THAP5: variants seen among roughly 807,000 people sequenced by gnomAD.
THAP5 encodes THAP domain-containing protein 5.
Under a neutral mutation model 34.0 loss-of-function variants are expected in THAP5, and 26 were observed. That is an observed-to-expected ratio of 0.77 (90% confidence interval 0.56 to 1.06). THAP5 has a LOEUF of 1.06. Ranked by LOEUF, THAP5 falls within the 50% of genes least tolerant of loss-of-function variation. The pLI is 0.00. For synonymous variants in THAP5, 125 were observed against 153.0 expected, an observed-to-expected ratio of 0.82 and a Z score of 1.35; for missense variants, 394 against 452.8, an observed-to-expected ratio of 0.87 and a Z score of 1.18.
downstream of THAP5, among the ~76,000 whole-genome samples, chr7:108,561,597 TA>T (rs1274773635): frequency 6.6e-6 from 1 of 152,068 alleles, no homozygotes; most frequent in Non-Finnish European, 1.5e-5. Flanking sequence ...TTTGATTTTC[TA>T]AATGAAGCAT....
downstream of THAP5, among the ~76,000 whole-genome samples, chr7:108,558,377 G>GTGTGTGTGTGTATATATATATA (rs1401164750): frequency 1.6e-5 from 1 of 63,038 alleles, no homozygotes; most frequent in Non-Finnish European, 2.9e-5. Context: ...ATGTGTGTGT[G>GTGTGTGTGTGTATATATATATA]TATGTATATA....
downstream of THAP5, among the ~76,000 whole-genome samples, chr7:108,557,364 G>A (rs1252590673): frequency 1.3e-5 from 2 of 152,180 alleles, no homozygotes; most frequent in African/African-American, 4.8e-5. Context: ...CCCTTTAAAT[G>A]TAAGTTCTAG....
intron 1 of THAP5, chr7:108,569,151 C>T (rs1790554220): frequency 8.9e-7 from 1 of 1,128,318 alleles, no homozygotes; most frequent in Non-Finnish European, 1.1e-6. Flanking sequence ...TCGCAGGTTT[C>T]ACGTATCTTA....
chr7:108,565,197 G>A (rs2154518077), intron 2 of THAP5, 92 bp from the exon 3 acceptor site: 4 of 997,388 alleles, frequency 4.0e-6, no homozygotes, highest in East Asian at 2.7e-5. Context: ...GTAGTACACT[G>A]GCCAAGCAAA....
chr7:108,549,129 A>AC, the THAP5 span, among the ~76,000 whole-genome samples: 19 of 90,818 alleles, frequency 2.1e-4, no homozygotes, highest in Non-Finnish European at 3.8e-4. Flanking sequence ...CACACACACA[A>AC]GTACTTTTTT....
Position 108,564,745 on chromosome 7 carries a change from A to T in THAP5, c.634T>A (p.Ser212Thr). The T allele has an allele frequency of 6.2e-7, 1 of 1,613,508 alleles. No homozygotes were observed. Among genetic ancestry groups the T allele is most frequent in the East Asian group, 2.2e-5 (1 of 44,818 alleles). ...TCCAAAGATTGATGAATACTTTCTG[A>T]ATTTGAAGTTGTCAAAGTAATAGTT... ...STTITLTTSN[S>T]ESIHQSLETQ... The change falls in exon 3 of 3, where the codon TCA (serine) becomes ACA (threonine). Residue 212 changes from serine (S) to threonine (T), a missense_variant. Physicochemically the swap from Ser to Thr is moderately conservative, Grantham distance 58. Coordinates refer to ENST00000415914, the MANE Select transcript of THAP5 (RefSeq NM_001130475.3).
At position 108,569,173 on chromosome 7, in the gene THAP5, ATGT is replaced by A. The variant is rs755467534; in HGVS notation, c.80+314_80+316del. The A allele has an allele frequency of 1.2e-5, 15 of 1,238,666 alleles. No individual in the cohort carries two copies. In the African/African-American group the frequency reaches 1.8e-4, roughly 15 times the overall value. 76.7% of individuals were successfully genotyped at this position (1,238,666 alleles called of 1,614,324 possible). ...TTTCACGTATCTTAAATGGTGGTTA[ATGT>A]TGTTCAATGAAATGAGATCACGTGA... On this transcript the variant is annotated intron_variant, in intron 1 of 2. Coordinates refer to ENST00000415914, the MANE Select transcript of THAP5 (RefSeq NM_001130475.3).
chr7:108,551,432 T>A (rs2154517809), downstream of THAP5, among the ~76,000 whole-genome samples: 1 of 152,362 alleles, frequency 6.6e-6, no homozygotes, highest in East Asian at 1.9e-4. Context: ...CTCACTCTTC[T>A]TCCATATAAG....
At chr7:108,548,129 G>C in the THAP5 span, among the ~76,000 whole-genome samples, 13 of 152,272 alleles carry the variant, frequency 8.5e-5, no homozygotes, top group Admixed American at 8.5e-4. Flanking sequence ...TACAATTCAA[G>C]TTAATAATTT....
In THAP5 at chr7:108,562,234, TTAACA is replaced by T. The variant is rs1201024511; in HGVS notation, c.*1952_*1956del. On this transcript the variant is annotated 3_prime_UTR_variant, in exon 3 of 3. Coordinates refer to ENST00000415914, the MANE Select transcript of THAP5 (RefSeq NM_001130475.3). ...TTACTACAATGTACACTGTTGAAAC[TTAACA>T]TATCATTACTTTATTGTGACTCAAG... 13 of 152,250 alleles carry T rather than the reference TTAACA, an allele frequency of 8.5e-5. No homozygotes were observed. Among genetic ancestry groups the T allele is most frequent in the East Asian group, 3.9e-4 (2 of 5,180 alleles). 9.4% of individuals were successfully genotyped at this position (152,250 alleles called of 1,614,324 possible).
intron 1 of THAP5, among the ~76,000 whole-genome samples, chr7:108,555,455 A>G (rs40930): frequency 0.56 from 85,679 of 151,970 alleles, 24,324 homozygotes; most frequent in African/African-American, 0.62. Context: ...GGCGTGAGCC[A>G]TTGTGCCCGG....
At chr7:108,542,059 A>G in the THAP5 span, among the ~76,000 whole-genome samples, 7 of 152,210 alleles carry the variant, frequency 4.6e-5, no homozygotes, top group African/African-American at 1.7e-4. Flanking sequence ...CAGGAAAAAA[A>G]ACCCTTAAAT....
At chr7:108,545,081 T>C in the THAP5 span, among the ~76,000 whole-genome samples, 1 of 152,220 alleles carries the variant, frequency 6.6e-6, no homozygotes. Context: ...TTGTCTTATT[T>C]AGAAAGATAT....
chr7:108,554,846 C>T (rs148014505), exon 2 of THAP5: 58 of 152,242 alleles, frequency 3.8e-4, no homozygotes, highest in African/African-American at 1.3e-3. Flanking sequence ...CTTCCTTTTA[C>T]GTTTTAGCTG....
At chr7:108,569,141 T>G in intron 1 of THAP5, 1 of 1,104,136 alleles carries the variant, frequency 9.1e-7, no homozygotes, top group Non-Finnish European at 1.1e-6. Context: ...CCTTTCCACT[T>G]CGCAGGTTTC....
the THAP5 span, among the ~76,000 whole-genome samples, chr7:108,542,832 C>G: frequency 6.6e-6 from 1 of 152,110 alleles, no homozygotes; most frequent in Non-Finnish European, 1.5e-5. Flanking sequence ...ATGGGCTGGT[C>G]TGGAGAATTC....
the THAP5 span, among the ~76,000 whole-genome samples, chr7:108,548,755 T>C: frequency 3.3e-5 from 5 of 152,054 alleles, no homozygotes; most frequent in Admixed American, 1.3e-4. Context: ...TTATTCACTA[T>C]CATGAGAACA....
At position 108,564,093 on chromosome 7, in the gene THAP5, A is replaced by C; in HGVS notation, c.*98T>G. On this transcript the variant is annotated 3_prime_UTR_variant, in exon 3 of 3. Transcript: ENST00000415914. Reference sequence around the variant, plus strand: ...TTACAACACTCTCATAGGTTCATTAAGATGAGAACTTTATACAGGAAACAG... The same window carrying C: ...TTACAACACTCTCATAGGTTCATTACGATGAGAACTTTATACAGGAAACAG... 1 of 974,076 alleles carries C rather than the reference A, an allele frequency of 1.0e-6. No individual in the cohort carries two copies. The highest frequency in any genetic ancestry group is 1.5e-6 in the Non-Finnish European group (1 of 665,870). 60.3% of individuals were successfully genotyped at this position (974,076 alleles called of 1,614,324 possible).
downstream of THAP5, among the ~76,000 whole-genome samples, chr7:108,549,615 T>C (rs1478472458): frequency 6.6e-6 from 1 of 152,238 alleles, no homozygotes; most frequent in East Asian, 1.9e-4. Flanking sequence ...TATATTGTAT[T>C]TACATTATTT....
Sources: allele counts gnomAD v4.1 joint callset (sites outside exome capture counted in the v4.1 genomes callset), GRCh38; gene constraint gnomAD v4.1.1; transcripts MANE v1.5; gene names NCBI Gene and HGNC (gene_info 2026-07-23, HGNC 2026-07-21).